Variants in OSTN observed in about 807,000 individuals in gnomAD.
OSTN encodes the protein osteocrin.
OSTN carries 9 observed loss-of-function variants against 12.0 expected under a neutral mutation model. The observed-to-expected ratio is 0.75, with a 90% confidence interval of 0.45 to 1.30. OSTN has a LOEUF of 1.30. Ranked by LOEUF, OSTN falls within the 50% of genes most tolerant of loss-of-function variation. OSTN has a pLI of 0.00. For synonymous variants in OSTN, 59 were observed against 56.9 expected, an observed-to-expected ratio of 1.04 and a Z score of -0.16; for missense variants, 148 against 152.3, an observed-to-expected ratio of 0.97 and a Z score of 0.15.
At chr3:191,259,290 A>G (rs1715747415) in intron 4 of OSTN, among the ~76,000 whole-genome samples, 1 of 151,426 alleles carries the variant, frequency 6.6e-6, no homozygotes, top group East Asian at 1.9e-4. Context: ...CGCCTCCCAG[A>G]TCCAAGAAAT....
intron 3 of OSTN, among the ~76,000 whole-genome samples, chr3:191,244,308 C>T (rs1314711142): frequency 6.6e-6 from 1 of 151,896 alleles, no homozygotes; most frequent in African/African-American, 2.4e-5. Flanking sequence ...TTAAAATAAA[C>T]AATCTAATCA....
chr3:191,261,279 G>A (rs1009412150), intron 4 of OSTN, among the ~76,000 whole-genome samples: 1 of 152,174 alleles, frequency 6.6e-6, no homozygotes, highest in African/African-American at 2.4e-5. Flanking sequence ...TGTGTATACA[G>A]GGGAGCCTTC....
intron 3 of OSTN, among the ~76,000 whole-genome samples, chr3:191,224,206 C>T (rs770392158): frequency 7.2e-5 from 11 of 151,768 alleles, no homozygotes; most frequent in Non-Finnish European, 1.3e-4. Flanking sequence ...GGAAAAACCC[C>T]GTCTCTACTA....
At chr3:191,219,321 G>A (rs1714704397) in intron 3 of OSTN, among the ~76,000 whole-genome samples, 1 of 152,186 alleles carries the variant, frequency 6.6e-6, no homozygotes, top group South Asian at 2.1e-4. Context: ...AGAGGTAACA[G>A]GAATACCCTT....
chr3:191,259,027 G>C (rs1270079529), intron 4 of OSTN, among the ~76,000 whole-genome samples: 1 of 152,142 alleles, frequency 6.6e-6, no homozygotes, highest in African/African-American at 2.4e-5. Flanking sequence ...GCTTAAAACT[G>C]CAAGGAAAGA....
intron 3 of OSTN, among the ~76,000 whole-genome samples, chr3:191,249,707 G>A (rs1185102239): frequency 6.6e-6 from 1 of 152,136 alleles, no homozygotes; most frequent in South Asian, 2.1e-4. Flanking sequence ...AATTTGAAGG[G>A]GGACGGGATT....
At chr3:191,210,453 G>A (rs79217100) in intron 1 of OSTN, among the ~76,000 whole-genome samples, 1 of 152,338 alleles carries the variant, frequency 6.6e-6, no homozygotes, top group East Asian at 1.9e-4. Flanking sequence ...GAAATATTTA[G>A]TGATGCCTCA....
chr3:191,236,206 C>G (rs1222944562), intron 3 of OSTN, among the ~76,000 whole-genome samples: 1 of 152,204 alleles, frequency 6.6e-6, no homozygotes. Flanking sequence ...TTCTCTCTTT[C>G]TGTCTCTTTT....
At chr3:191,209,393 T>C (rs1714363029) in intron 1 of OSTN, among the ~76,000 whole-genome samples, 1 of 152,202 alleles carries the variant, frequency 6.6e-6, no homozygotes, top group Non-Finnish European at 1.5e-5. Flanking sequence ...TTTAGAGACA[T>C]AGTCATGATT....
intron 4 of OSTN, among the ~76,000 whole-genome samples, chr3:191,259,201 T>TTTG (rs554015304): frequency 6.6e-5 from 2 of 30,516 alleles, no homozygotes; most frequent in Non-Finnish European, 1.0e-4. Flanking sequence ...AAACAATCTG[T>TTTG]TTTTTTTTTT....
chr3:191,231,274 A>C (rs1715046589), intron 3 of OSTN, among the ~76,000 whole-genome samples: 1 of 152,270 alleles, frequency 6.6e-6, no homozygotes, highest in African/African-American at 2.4e-5. Flanking sequence ...TTTGAGGTGT[A>C]ATGATACTTC....
intron 3 of OSTN, among the ~76,000 whole-genome samples, chr3:191,221,846 C>G (rs994942468): frequency 6.6e-6 from 1 of 152,232 alleles, no homozygotes; most frequent in South Asian, 2.1e-4. Flanking sequence ...GTCTTCACAG[C>G]AGCCCCTCCC....
In OSTN at chr3:191,263,148, G is replaced by A; in HGVS notation, c.*295G>A. 1 of 361,104 alleles carries A rather than the reference G, an allele frequency of 2.8e-6. No homozygotes were observed. The highest frequency in any genetic ancestry group is 6.2e-5 in the South Asian group (1 of 16,088). The allele number at this position is 361,104 out of a possible 1,614,324, so 22.4% of individuals were successfully genotyped here. The stretch of plus-strand genomic sequence containing the variant: ...AAATAATAATTAAATACACAATACA[G>A]TGAAATGCCTTCTGTATGGATTTAC... On this transcript the variant is annotated 3_prime_UTR_variant, in exon 5 of 5. Transcript: ENST00000682035.
At chr3:191,238,123 G>A (rs890101044) in intron 3 of OSTN, among the ~76,000 whole-genome samples, 16 of 152,104 alleles carry the variant, frequency 1.1e-4, no homozygotes, top group African/African-American at 3.9e-4. Flanking sequence ...CATCTCCAGA[G>A]GACATAGTTG....
At chr3:191,256,312 C>G (rs1715669515) in intron 4 of OSTN, among the ~76,000 whole-genome samples, 1 of 152,004 alleles carries the variant, frequency 6.6e-6, no homozygotes, top group East Asian at 1.9e-4. Context: ...ATAATTTGAA[C>G]ATGCCAAATA....
chr3:191,236,176 C>T (rs991832234), intron 3 of OSTN, among the ~76,000 whole-genome samples: 4 of 152,200 alleles, frequency 2.6e-5, no homozygotes, highest in East Asian at 3.8e-4. Flanking sequence ...GAATGCAAAA[C>T]GAAATACTTC....
intron 4 of OSTN, among the ~76,000 whole-genome samples, chr3:191,250,375 G>T (rs1293212782): frequency 6.6e-6 from 1 of 152,102 alleles, no homozygotes; most frequent in Non-Finnish European, 1.5e-5. Context: ...TGATTTAGTT[G>T]TTTTCAGACT....
intron 3 of OSTN, among the ~76,000 whole-genome samples, chr3:191,225,366 T>C (rs935931122): frequency 1.9e-4 from 29 of 152,188 alleles, no homozygotes; most frequent in Admixed American, 6.5e-5. Flanking sequence ...TTCAGATATT[T>C]TCACAGGAGA....
chr3:191,253,937 CCAAACT>C (rs1199158627), intron 4 of OSTN, among the ~76,000 whole-genome samples: 3 of 152,100 alleles, frequency 2.0e-5, no homozygotes, highest in African/African-American at 7.2e-5. Flanking sequence ...ATATTAAAAG[CCAAACT>C]AACAGCTTTG....
Sources: allele counts gnomAD v4.1 joint callset (sites outside exome capture counted in the v4.1 genomes callset), GRCh38; gene constraint gnomAD v4.1.1; transcripts MANE v1.5; gene names NCBI Gene and HGNC (gene_info 2026-07-23, HGNC 2026-07-21).